Variants in CNTNAP2 observed in about 807,000 individuals in gnomAD.
CNTNAP2 encodes contactin-associated protein-like 2.
CNTNAP2 carries 98 observed loss-of-function variants against 155.2 expected under a neutral mutation model. The ratio of observed to expected loss-of-function variants is 0.63; its 90% confidence interval spans 0.54 to 0.75. The LOEUF is 0.75. CNTNAP2 is among the 30% of genes least tolerant of loss of function. The probability of loss-of-function intolerance (pLI) is 0.00; values close to 1 mark genes in which losing one functional copy is unlikely to be tolerated. For missense variants in CNTNAP2, 1,727 were observed against 1,688.1 expected (o/e 1.02, Z -0.40); for synonymous variants, 651 against 631.2 (o/e 1.03, Z -0.47).
At chr7:146,874,589 G>T (rs146047865) in intron 3 of CNTNAP2, among the ~76,000 whole-genome samples, 3 of 151,990 alleles carry the variant, frequency 2.0e-5, no homozygotes, top group Non-Finnish European at 2.9e-5. Context: ...TCCGCCCACC[G>T]TGGCCTCCCA....
chr7:146,519,395 C>G (rs750017682), intron 1 of CNTNAP2, among the ~76,000 whole-genome samples: 2 of 151,834 alleles, frequency 1.3e-5, no homozygotes, highest in Non-Finnish European at 2.9e-5. Context: ...TTCAACTCTA[C>G]TAATCTTTGG....
chr7:148,394,347 C>A (rs112605367), intron 22 of CNTNAP2, among the ~76,000 whole-genome samples: 1 of 152,148 alleles, frequency 6.6e-6, no homozygotes, highest in South Asian at 2.1e-4. Flanking sequence ...ACTCTCTGGT[C>A]TATTACATTG....
chr7:148,274,030 C>G (rs1585233900), intron 21 of CNTNAP2, among the ~76,000 whole-genome samples: 1 of 152,194 alleles, frequency 6.6e-6, no homozygotes, highest in East Asian at 1.9e-4. Context: ...CCATGCTGCT[C>G]ACAGAATATT....
chr7:148,073,222 G>C (rs1803414962), intron 15 of CNTNAP2, among the ~76,000 whole-genome samples: 1 of 152,174 alleles, frequency 6.6e-6, no homozygotes, highest in Admixed American at 6.5e-5. Context: ...AGGCTGCGTA[G>C]TATAAGATAG....
intron 13 of CNTNAP2, among the ~76,000 whole-genome samples, chr7:147,708,920 C>T (rs922220114): frequency 6.6e-6 from 1 of 152,162 alleles, no homozygotes. Context: ...CTCTGCCATG[C>T]AGTTAATACA....
chr7:147,823,191 T>C (rs1238332605), intron 13 of CNTNAP2, among the ~76,000 whole-genome samples: 1 of 152,186 alleles, frequency 6.6e-6, no homozygotes, highest in Non-Finnish European at 1.5e-5. Context: ...TTCCCCCAGT[T>C]TTCTGCCTTT....
intron 13 of CNTNAP2, among the ~76,000 whole-genome samples, chr7:147,732,181 TC>T (rs199519152): frequency 1.8e-5 from 2 of 108,522 alleles, no homozygotes; most frequent in African/African-American, 4.3e-5. Context: ...ATGCTATCCC[TC>T]CCCCCCCCAC....
chr7:146,574,351 A>G (rs989635169), intron 1 of CNTNAP2, among the ~76,000 whole-genome samples: 2 of 152,244 alleles, frequency 1.3e-5, no homozygotes, highest in Non-Finnish European at 2.9e-5. Flanking sequence ...TTTGACATAA[A>G]GTTAAATTGT....
chr7:147,278,805 A>T (rs902337966), intron 8 of CNTNAP2, among the ~76,000 whole-genome samples: 1 of 151,456 alleles, frequency 6.6e-6, no homozygotes, highest in Non-Finnish European at 1.5e-5. Flanking sequence ...TTTTCGTATA[A>T]TGTTAAGTAA....
intron 3 of CNTNAP2, among the ~76,000 whole-genome samples, chr7:146,927,343 G>T (rs1796628505): frequency 6.6e-6 from 1 of 152,102 alleles, no homozygotes; most frequent in Non-Finnish European, 1.5e-5. Context: ...TTACCATCAT[G>T]TGGCAATTTA....
chr7:147,620,044 C>T (rs1801364539), intron 12 of CNTNAP2, among the ~76,000 whole-genome samples: 1 of 152,174 alleles, frequency 6.6e-6, no homozygotes, highest in African/African-American at 2.4e-5. Flanking sequence ...GTCCAGTAAT[C>T]CATAGGATTC....
rs184135455 is a variant in CNTNAP2, at chr7:146,797,008, C to T, written c.208+22627C>T. ...AAACTTAGCCAGGCATGGTGGCGGG[C>T]GCCTGTAGTCCCAGCTACTCTGGTG... On this transcript the variant is annotated intron_variant, in intron 2 of 23. Coordinates refer to ENST00000361727, the MANE Select transcript of CNTNAP2 (RefSeq NM_014141.6). 6.6e-3 allele frequency among the ~76,000 whole-genome samples: 1,005 copies of T among 152,118 alleles called. 10 individuals are homozygous for T. Among genetic ancestry groups the T allele is most frequent in the African/African-American group, 0.022 (920 of 41,476 alleles).
intron 15 of CNTNAP2, among the ~76,000 whole-genome samples, chr7:148,031,091 G>A (rs1031634437): frequency 1.3e-5 from 2 of 152,118 alleles, no homozygotes; most frequent in African/African-American, 4.8e-5. Flanking sequence ...AAGATGGTGG[G>A]ACGATGTGAT....
intron 10 of CNTNAP2, among the ~76,000 whole-genome samples, chr7:147,481,041 C>G (rs1375741890): frequency 6.6e-6 from 1 of 152,106 alleles, no homozygotes; most frequent in East Asian, 1.9e-4. Context: ...CTTGGTACCA[C>G]CAGAACATAT....
intron 21 of CNTNAP2, among the ~76,000 whole-genome samples, chr7:148,350,161 G>C (rs1798402329): frequency 6.6e-6 from 1 of 152,218 alleles, no homozygotes; most frequent in African/African-American, 2.4e-5. Flanking sequence ...GCAGATTGAA[G>C]ATGTATTTGG....
At chr7:148,133,436 TG>T (rs1163502723) in intron 16 of CNTNAP2, among the ~76,000 whole-genome samples, 2 of 152,148 alleles carry the variant, frequency 1.3e-5, no homozygotes, top group Non-Finnish European at 2.9e-5. Flanking sequence ...CACTCCAGCC[TG>T]GGTGACAGAA....
intron 13 of CNTNAP2, among the ~76,000 whole-genome samples, chr7:147,864,557 T>A (rs1310162249): frequency 1.3e-5 from 2 of 152,054 alleles, no homozygotes; most frequent in Non-Finnish European, 2.9e-5. Context: ...TTCCTATCCA[T>A]GAGCATGGAA....
chr7:147,313,380 G>C (rs1236880462), intron 9 of CNTNAP2, among the ~76,000 whole-genome samples: 2 of 150,696 alleles, frequency 1.3e-5, no homozygotes, highest in East Asian at 2.0e-4. Context: ...TTCTTCTAGG[G>C]TTTTTATGGT....
At chr7:147,612,879 T>C (rs1443914106) in intron 12 of CNTNAP2, among the ~76,000 whole-genome samples, 3 of 152,238 alleles carry the variant, frequency 2.0e-5, no homozygotes, top group Non-Finnish European at 2.9e-5. Context: ...ATACTTCTAA[T>C]TGTTTTATTT....
Sources: gnomAD v4.1 joint callset for allele counts (sites outside exome capture counted in the v4.1 genomes callset) on GRCh38, gnomAD v4.1.1 for gene constraint, MANE v1.5 for transcripts, NCBI Gene and HGNC (gene_info 2026-07-23, HGNC 2026-07-21) for gene names.